The following CUEDC1 variants were observed in gnomAD, a reference collection of about 807,000 sequenced individuals.
The protein encoded by CUEDC1 is CUE domain containing 1.
Under a neutral mutation model 43.7 loss-of-function variants are expected in CUEDC1, and 30 were observed. The observed-to-expected ratio is 0.69, with a 90% CI of 0.51 to 0.93. The LOEUF (loss-of-function observed/expected upper bound fraction) is 0.93, where lower values mean the gene tolerates loss of function less well. Among genes scored for constraint, CUEDC1 ranks in the 40% least tolerant of loss-of-function variants. The pLI, the probability that CUEDC1 is intolerant of heterozygous loss-of-function variation, is 0.00. For synonymous variants in CUEDC1, 223 were observed against 223.6 expected, an observed-to-expected ratio of 1.00 and a Z score of 0.02; for missense variants, 486 against 549.0, an observed-to-expected ratio of 0.89 and a Z score of 1.15.
intron 10 of CUEDC1, among the ~76,000 whole-genome samples, chr17:57,865,559 G>A (rs919391184): frequency 4.6e-5 from 7 of 152,220 alleles, no homozygotes; most frequent in Non-Finnish European, 1.0e-4. Context: ...CCTCTCCCAT[G>A]GTAAACGGGG....
chr17:57,947,602 C>CTG (rs1288491275), intron 1 of CUEDC1, among the ~76,000 whole-genome samples: 2 of 152,084 alleles, frequency 1.3e-5, no homozygotes, highest in African/African-American at 4.8e-5. Context: ...AGTTCGAGAC[C>CTG]AGCCAGGCCA....
In CUEDC1 at chr17:57,872,747, C is replaced by G; in HGVS notation, c.700G>C (p.Glu234Gln). ...ESRWKQYLED[E>Q]RIALFLQNEE... ...TTCTGCAGGAAAAGCGCGATCCTCT[C>G]GTCCTCCAGGTACTGCTTCCAGCGG... The change falls in exon 5 of 11, where the codon GAG becomes CAG. Residue 234 changes from glutamate (E) to glutamine (Q), a missense_variant. By Grantham distance (29) the Glu-to-Gln change is conservative. Transcript: ENST00000577830. 4 of 1,614,246 alleles carry G rather than the reference C, an allele frequency of 2.5e-6. No individual in the cohort carries two copies. Among genetic ancestry groups the G allele is most frequent in the Non-Finnish European group, 3.4e-6 (4 of 1,180,046 alleles).
intron 1 of CUEDC1, among the ~76,000 whole-genome samples, chr17:57,911,153 C>G (rs750270386): frequency 1.3e-5 from 2 of 152,208 alleles, no homozygotes; most frequent in Non-Finnish European, 2.9e-5. Flanking sequence ...CTGGCCTCCA[C>G]CCCCAGAGTT....
chr17:57,867,360 A>C lies in CUEDC1; in HGVS notation c.1090T>G (p.Cys364Gly). 1.9e-6 allele frequency: 3 copies of C among 1,551,844 alleles called. No individual in the cohort carries two copies. Among genetic ancestry groups the C allele is most frequent in the Non-Finnish European group, 2.6e-6 (3 of 1,147,060 alleles). ...NLLDDVEGHA[C>G]DEDFRGRRQE... ...TACGACTCCCCTCCAGCCTCACCAC[A>C]CGCGTGGCCCTCCACATCATCCAGG... The change falls in exon 9 of 11, where the codon TGT (cysteine) becomes GGT (glycine). Residue 364 changes from cysteine to glycine, a missense_variant. Transcript: ENST00000577830.
Position 57,952,079 on chromosome 17 carries a change from G to C in CUEDC1, c.-316+3146C>G, listed in dbSNP as rs557970628. ...CATGACTGAGAAGTCATGGCCACTGGGGAAGGTGAATCCTCAGTCACTGCA... is the reference window on the plus strand; with the variant it reads ...CATGACTGAGAAGTCATGGCCACTGCGGAAGGTGAATCCTCAGTCACTGCA... On this transcript the variant is annotated intron_variant, in intron 1 of 10. Transcript: ENST00000577830. Among the ~76,000 whole-genome samples the C allele has an allele frequency of 4.3e-4, 66 of 152,254 alleles. 1 individual carries two copies. The East Asian group carries it at 0.012, about 27-fold the overall frequency.
At chr17:57,914,346 A>G (rs568198930) in intron 1 of CUEDC1, among the ~76,000 whole-genome samples, 1 of 152,226 alleles carries the variant, frequency 6.6e-6, no homozygotes, top group Non-Finnish European at 1.5e-5. Flanking sequence ...TCTCTGCTTC[A>G]AAGAGAAAAA....
At chr17:57,935,883 A>G (rs2074856984) in intron 1 of CUEDC1, among the ~76,000 whole-genome samples, 1 of 152,124 alleles carries the variant, frequency 6.6e-6, no homozygotes, top group South Asian at 2.1e-4. Flanking sequence ...ATAATCCTGG[A>G]GAGACTGAAA....
rs370959826 is a variant in CUEDC1 at position 57,869,017 on chromosome 17, G to C, written c.940+105C>G. On this transcript the variant is annotated intron_variant, in intron 7 of 10. Coordinates refer to ENST00000577830, the MANE Select transcript of CUEDC1 (RefSeq NM_001271875.2). ...GATGAAAATGTCACTGGTTCACCAA[G>C]AGTCAGCTGCATTACATGTGCTGAG... 315 of 1,127,632 alleles carry C rather than the reference G, an allele frequency of 2.8e-4. No homozygotes were observed. The African/African-American group carries it at 4.4e-3, about 16-fold the overall frequency. 69.9% of individuals were successfully genotyped at this position (1,127,632 alleles called of 1,614,324 possible).
rs537685416 is a variant in CUEDC1 at position 57,907,311 on chromosome 17, C to G, written c.-315-21432G>C. ...GAAAACGAAGCATGCATCAGGGAAC[C>G]TTGGACAGGAGGGGACTGGGGAAGA... On this transcript the variant is annotated intron_variant, in intron 1 of 10. Coordinates refer to ENST00000577830, the MANE Select transcript of CUEDC1 (RefSeq NM_001271875.2). 4.6e-5 allele frequency among the ~76,000 whole-genome samples: 7 copies of G among 152,218 alleles called. No individual in the cohort carries two copies. In the South Asian group the frequency reaches 1.5e-3, roughly 32 times the overall value.
intron 1 of CUEDC1, among the ~76,000 whole-genome samples, chr17:57,906,988 AAAG>A (rs1331057977): frequency 2.6e-5 from 4 of 151,434 alleles, no homozygotes; most frequent in Middle Eastern, 3.4e-3. Flanking sequence ...AAAAAAAAAA[AAAG>A]AAGACACCAT....
intron 1 of CUEDC1, among the ~76,000 whole-genome samples, chr17:57,937,820 C>A (rs1008507011): frequency 1.3e-5 from 2 of 151,386 alleles, no homozygotes; most frequent in Admixed American, 6.6e-5. Flanking sequence ...GGTGGGAAAA[C>A]CCCTTGAGCC....
intron 1 of CUEDC1, among the ~76,000 whole-genome samples, chr17:57,908,293 G>T (rs1458553051): frequency 6.6e-6 from 1 of 152,142 alleles, no homozygotes; most frequent in Non-Finnish European, 1.5e-5. Flanking sequence ...CTGACCTCAG[G>T]TAATCTGCCT....
chr17:57,866,337 G>A (rs143492635), intron 10 of CUEDC1, 137 bp downstream of exon 10: 434 of 673,020 alleles, frequency 6.4e-4, no homozygotes, highest in African/African-American at 6.4e-3. Flanking sequence ...GCAACTATGA[G>A]GGAAGACACG....
Position 57,924,107 on chromosome 17 carries a change from C to T in CUEDC1, c.-316+31118G>A, listed in dbSNP as rs566112124. Among the ~76,000 whole-genome samples the T allele has an allele frequency of 1.6e-4, 20 of 126,224 alleles. No homozygotes were observed. In the South Asian group the frequency reaches 4.3e-3, roughly 27 times the overall value. The allele number at this position is 126,224 out of a possible 152,430, so 82.8% of individuals were successfully genotyped here. A position where few individuals can be genotyped will look rare whatever the true frequency, so the allele number is the denominator to read the frequency against. On this transcript the variant is annotated intron_variant, in intron 1 of 10. Transcript: ENST00000577830. ...CACACACCACTGTGCTCCGATTCTTCCTGCATTTTTTTTTTTTGAGACAGC... is the reference window on the plus strand; with the variant it reads ...CACACACCACTGTGCTCCGATTCTTTCTGCATTTTTTTTTTTTGAGACAGC...
chr17:57,872,810 G>T lies in CUEDC1; in HGVS notation c.637C>A (p.Pro213Thr). The change falls in exon 5 of 11, where the codon CCT becomes ACT. Residue 213 changes from proline (P) to threonine (T), a missense_variant. By Grantham distance (38) the Pro-to-Thr change is conservative. Transcript: ENST00000577830. Reference protein sequence around the residue: ...PKPGSGEGCPPAMAGPGPGDQ... With the variant: ...PKPGSGEGCPTAMAGPGPGDQ... ...CCGGGCCCTGGCCCAGCCATGGCAG[G>T]TGGACATCCCTCTCCACTCCCAGGC... 1.2e-6 allele frequency: 2 copies of T among 1,614,180 alleles called. No individual in the cohort carries two copies. The highest frequency in any genetic ancestry group is 1.7e-6 in the Non-Finnish European group (2 of 1,180,020).
Position 57,885,498 on chromosome 17 carries a change from C to T in CUEDC1, c.67G>A (p.Gly23Ser). ...GGGGTAGARG[G>S]GGGTAAPQEL... ...TGGGGGGCGGCCGTGCCTCCCCCGC[C>T]CCCGCGTGCCCCGGCGGTGCCACCC... is the stretch of plus-strand genomic sequence containing the variant. Residue 23 changes from glycine to serine, a missense_variant, in exon 2 of 11, where the codon GGC becomes AGC. Transcript: ENST00000577830. 6.7e-7 allele frequency: 1 copy of T among 1,494,976 alleles called. No homozygotes were observed. Among genetic ancestry groups the T allele is most frequent in the Non-Finnish European group, 8.9e-7 (1 of 1,128,904 alleles). The allele number at this position is 1,494,976 out of a possible 1,614,324, so 92.6% of individuals were successfully genotyped here. A position where few individuals can be genotyped will look rare whatever the true frequency, so the allele number is the denominator to read the frequency against.
intron 1 of CUEDC1, among the ~76,000 whole-genome samples, chr17:57,889,671 T>A (rs2074335222): frequency 6.6e-6 from 1 of 152,134 alleles, no homozygotes; most frequent in African/African-American, 2.4e-5. Flanking sequence ...GGTGGTTCTG[T>A]GGATGAGGAG....
chr17:57,897,527 G>A (rs772400808), intron 1 of CUEDC1, among the ~76,000 whole-genome samples: 4 of 151,830 alleles, frequency 2.6e-5, no homozygotes, highest in East Asian at 1.9e-4. Context: ...AAAATTAGCC[G>A]GGTGTGGTGG....
intron 1 of CUEDC1, among the ~76,000 whole-genome samples, chr17:57,936,354 C>A (rs2586088): frequency 0.6 from 90,485 of 152,070 alleles, 27,935 homozygotes; most frequent in East Asian, 0.94. Context: ...TTCAGCCCTC[C>A]AATTGCTCTG....
Sources: gnomAD v4.1 joint callset for allele counts (sites outside exome capture counted in the v4.1 genomes callset) on GRCh38, gnomAD v4.1.1 for gene constraint, MANE v1.5 for transcripts, NCBI Gene and HGNC (gene_info 2026-07-23, HGNC 2026-07-21) for gene names.